Variants in GRIN2B observed in about 807,000 individuals in gnomAD.
The protein encoded by GRIN2B is glutamate ionotropic receptor NMDA type subunit 2B.
A neutral mutation model predicts 114.5 loss-of-function variants in GRIN2B; 5 were observed. The observed-to-expected ratio is 0.04, with a 90% CI of 0.02 to 0.09. The LOEUF is 0.09. Among genes scored for constraint, GRIN2B ranks in the 10% least tolerant of loss-of-function variants. The probability of loss-of-function intolerance (pLI) is 1.00; values close to 1 mark genes in which losing one functional copy is unlikely to be tolerated. For missense variants in GRIN2B, 1,108 were observed against 1,943.5 expected, an observed-to-expected ratio of 0.57 and a Z score of 8.08; for synonymous variants, 787 against 745.1, an observed-to-expected ratio of 1.06 and a Z score of -0.92.
intron 5 of GRIN2B, among the ~76,000 whole-genome samples, chr12:13,666,509 T>C (rs1176652125): frequency 1.3e-5 from 2 of 152,204 alleles, no homozygotes; most frequent in East Asian, 3.9e-4. Flanking sequence ...ATAATCTGAA[T>C]GCTATGGCTG....
At chr12:13,645,100 C>T (rs759335478) in intron 5 of GRIN2B, among the ~76,000 whole-genome samples, 6 of 152,102 alleles carry the variant, frequency 3.9e-5, no homozygotes, top group Admixed American at 6.6e-5. Flanking sequence ...TAGCTTTCAG[C>T]CTTTCTAGGT....
Position 13,569,886 on chromosome 12 carries a change from T to C in GRIN2B, c.2303A>G (p.Lys768Arg). The change falls in exon 12 of 14, where the codon AAA becomes AGA. Residue 768 changes from lysine (K) to arginine (R), a missense_variant. By Grantham distance (26) the Lys-to-Arg change is conservative. Coordinates refer to ENST00000609686, the MANE Select transcript of GRIN2B (RefSeq NM_000834.5). ...ASTGYGIAIQ[K>R]DSGWKRQVDL... ...CACCTGGCGCTTCCACCCAGAATCT[T>C]TTTGGATGGCAATGCCATAGCCAGT... 6.2e-7 allele frequency: 1 copy of C among 1,613,196 alleles called. No individual in the cohort carries two copies. Among genetic ancestry groups the C allele is most frequent in the Non-Finnish European group, 8.5e-7 (1 of 1,179,506 alleles).
intron 4 of GRIN2B, among the ~76,000 whole-genome samples, chr12:13,739,577 C>T (rs1444021490): frequency 6.6e-6 from 1 of 151,986 alleles, no homozygotes; most frequent in Admixed American, 6.6e-5. Context: ...TGGTGAATAC[C>T]TGGGCTGTTC....
intron 8 of GRIN2B, among the ~76,000 whole-genome samples, chr12:13,614,038 A>G (rs1022239992): frequency 1.4e-5 from 2 of 146,422 alleles, no homozygotes; most frequent in African/African-American, 5.1e-5. Context: ...AAAAAAAAAA[A>G]GCAAATAAAA....
Position 13,898,276 on chromosome 12 carries a change from A to C in GRIN2B, c.-18-32050T>G, listed in dbSNP as rs1026966226. ...TCTTATATTATTGATTAATAGAACT[A>C]GGGAAATAATAATGTCATTTATTGA... On this transcript the variant is annotated intron_variant, in intron 2 of 13. Transcript: ENST00000609686. Among the ~76,000 whole-genome samples the C allele has an allele frequency of 2.0e-5, 3 of 152,222 alleles. No individual in the cohort carries two copies. The East Asian group carries it at 5.8e-4, about 29-fold the overall frequency.
At chr12:13,788,812 A>G (rs1182942043) in intron 3 of GRIN2B, among the ~76,000 whole-genome samples, 3 of 152,178 alleles carry the variant, frequency 2.0e-5, no homozygotes, top group Admixed American at 1.3e-4. Flanking sequence ...TGCTAGAACT[A>G]TCTTTGCTGC....
chr12:13,571,980 C>T lies in GRIN2B; in HGVS notation c.2011-16G>A, dbSNP rs200778490. ...GTCTCTGGAACTGGAGAGAGAAAGA[C>T]AGATAGAGACAGAGCGGGAGATGGA... On this transcript the variant is annotated splice_polypyrimidine_tract_variant and intron_variant, in intron 10 of 13. Transcript: ENST00000609686. 2 of 1,600,024 alleles carry T rather than the reference C, an allele frequency of 1.2e-6. No homozygotes were observed. The highest frequency in any genetic ancestry group is 1.7e-6 in the Non-Finnish European group (2 of 1,168,674).
intron 5 of GRIN2B, among the ~76,000 whole-genome samples, chr12:13,668,355 T>G (rs142282299): frequency 3.9e-5 from 6 of 152,190 alleles, no homozygotes; most frequent in African/African-American, 1.4e-4. Context: ...CCCCAATACA[T>G]CCTGCTCTTC....
intron 10 of GRIN2B, among the ~76,000 whole-genome samples, chr12:13,573,933 C>T (rs1053238249): frequency 6.6e-6 from 1 of 152,210 alleles, no homozygotes; most frequent in African/African-American, 2.4e-5. Flanking sequence ...ACTGAGAAAG[C>T]TCCCTCTCTG....
chr12:13,733,575 A>G (rs185426846), intron 4 of GRIN2B, among the ~76,000 whole-genome samples: 4 of 152,334 alleles, frequency 2.6e-5, no homozygotes, highest in East Asian at 3.9e-4. Context: ...CCTAAAACCA[A>G]TCTAAAAGAG....
chr12:13,932,671 C>G (rs1263024525), intron 2 of GRIN2B, among the ~76,000 whole-genome samples: 1 of 152,168 alleles, frequency 6.6e-6, no homozygotes, highest in East Asian at 1.9e-4. Flanking sequence ...AAAGCTTGTA[C>G]TGGAAAGACT....
intron 5 of GRIN2B, among the ~76,000 whole-genome samples, chr12:13,621,037 T>G (rs1242637521): frequency 6.6e-6 from 1 of 152,090 alleles, no homozygotes; most frequent in Non-Finnish European, 1.5e-5. Flanking sequence ...CACTGCCAAT[T>G]CTTTATGGAG....
Position 13,554,562 on chromosome 12 carries a change from A to G in GRIN2B, c.*8221T>C, listed in dbSNP as rs1249549410. On this transcript the variant is annotated 3_prime_UTR_variant, in exon 14 of 14. Coordinates refer to ENST00000609686, the MANE Select transcript of GRIN2B (RefSeq NM_000834.5). ...GACACACACATAGTCAAGTAACAAG[A>G]AATTATTGCTGGCAGACTACGGCAA... 1 of 152,178 alleles carries G rather than the reference A, an allele frequency of 6.6e-6. No individual in the cohort carries two copies. Among genetic ancestry groups the G allele is most frequent in the Non-Finnish European group, 1.5e-5 (1 of 68,020 alleles). The allele number at this position is 152,178 out of a possible 1,614,324, so 9.4% of individuals were successfully genotyped here.
chr12:13,694,221 C>T (rs757485402), intron 4 of GRIN2B, among the ~76,000 whole-genome samples: 21 of 152,122 alleles, frequency 1.4e-4, no homozygotes, highest in African/African-American at 4.1e-4. Context: ...ACTCAGCTCT[C>T]GTACTGTTTG....
intron 2 of GRIN2B, among the ~76,000 whole-genome samples, chr12:13,922,370 T>C (rs1866839276): frequency 6.6e-6 from 1 of 152,150 alleles, no homozygotes; most frequent in Admixed American, 6.5e-5. Flanking sequence ...TAGCTCATGT[T>C]TTGGCCACAT....
intron 5 of GRIN2B, among the ~76,000 whole-genome samples, chr12:13,636,771 G>A (rs1485967836): frequency 6.6e-6 from 1 of 152,254 alleles, no homozygotes; most frequent in Non-Finnish European, 1.5e-5. Context: ...TCAAAGCCCA[G>A]GTCTGCTAGT....
chr12:13,791,992 TA>T (rs1204567766), intron 3 of GRIN2B, among the ~76,000 whole-genome samples: 1 of 152,216 alleles, frequency 6.6e-6, no homozygotes, highest in African/African-American at 2.4e-5. Flanking sequence ...TGGTCACAAC[TA>T]ATCTATTCTC....
chr12:13,649,157 A>G (rs1469714473), intron 5 of GRIN2B, among the ~76,000 whole-genome samples: 1 of 152,092 alleles, frequency 6.6e-6, no homozygotes, highest in African/African-American at 2.4e-5. Flanking sequence ...AATAAGCAAG[A>G]TAATGTATGT....
At chr12:13,708,568 T>C (rs1268327913) in intron 4 of GRIN2B, among the ~76,000 whole-genome samples, 5 of 152,128 alleles carry the variant, frequency 3.3e-5, no homozygotes, top group African/African-American at 1.2e-4. Context: ...GTTATCTTTA[T>C]TATTTTGGCA....
Sources: gnomAD v4.1 joint callset for allele counts (sites outside exome capture counted in the v4.1 genomes callset) on GRCh38, gnomAD v4.1.1 for gene constraint, MANE v1.5 for transcripts, NCBI Gene and HGNC (gene_info 2026-07-23, HGNC 2026-07-21) for gene names.